Variants in RBFOX3 observed in about 807,000 individuals in gnomAD.
The protein encoded by RBFOX3 is RNA binding protein fox-1 homolog 3.
RBFOX3 carries 17 observed loss-of-function variants against 48.7 expected under a neutral mutation model. The observed-to-expected ratio is 0.35, with a 90% CI of 0.24 to 0.52. The LOEUF is 0.52. Among genes scored for constraint, RBFOX3 ranks in the 20% least tolerant of loss-of-function variants. The probability of loss-of-function intolerance (pLI) is 0.94; values close to 1 mark genes in which losing one functional copy is unlikely to be tolerated. For synonymous variants in RBFOX3, 212 were observed against 209.5 expected, an observed-to-expected ratio of 1.01 and a Z score of -0.10; for missense variants, 382 against 497.5, an observed-to-expected ratio of 0.77 and a Z score of 2.21.
At chr17:79,123,259 A>G (rs905324699) in intron 4 of RBFOX3, among the ~76,000 whole-genome samples, 1 of 152,200 alleles carries the variant, frequency 6.6e-6, no homozygotes, top group African/African-American at 2.4e-5. Flanking sequence ...GGAGGTGGAC[A>G]CCCCATCTTC....
At chr17:79,309,400 C>T (rs1025586448) in intron 2 of RBFOX3, among the ~76,000 whole-genome samples, 1 of 152,004 alleles carries the variant, frequency 6.6e-6, no homozygotes, top group Non-Finnish European at 1.5e-5. Flanking sequence ...ATGTGCCCCG[C>T]CCCCTCCTGC....
chr17:79,378,131 G>A (rs377053817), intron 2 of RBFOX3, among the ~76,000 whole-genome samples: 1 of 152,154 alleles, frequency 6.6e-6, no homozygotes, highest in Non-Finnish European at 1.5e-5. Context: ...CATCTCATAG[G>A]GGGGGCGCAT....
rs774599436 is a variant in RBFOX3 at position 79,467,361 on chromosome 17, C to T, written c.-175+15093G>A. On this transcript the variant is annotated intron_variant, in intron 2 of 14. Transcript: ENST00000693108. ...GAAGTGGGTGGAGATGAGGGCAGAG[C>T]GGGGAGGAGGGAGAGAAGGTGGAAA... Among the ~76,000 whole-genome samples, 470 of 152,222 alleles carry T rather than the reference C, an allele frequency of 3.1e-3. 5 individuals are homozygous for T. Among genetic ancestry groups the T allele is most frequent in the Non-Finnish European group, 1.8e-3 (123 of 67,996 alleles).
chr17:79,491,264 A>C (rs995276481), intron 1 of RBFOX3, among the ~76,000 whole-genome samples: 2 of 150,304 alleles, frequency 1.3e-5, no homozygotes, highest in African/African-American at 2.5e-5. Flanking sequence ...ATAATAGAGG[A>C]AGTTTAGGAC....
intron 3 of RBFOX3, among the ~76,000 whole-genome samples, chr17:79,261,239 C>T (rs2065721615): frequency 6.6e-6 from 1 of 152,206 alleles, no homozygotes; most frequent in African/African-American, 2.4e-5. Context: ...TGCTTTGTCT[C>T]CTGATGTACA....
At chr17:79,200,518 C>T (rs376633514) in intron 4 of RBFOX3, among the ~76,000 whole-genome samples, 61 of 152,312 alleles carry the variant, frequency 4.0e-4, no homozygotes, top group African/African-American at 1.4e-3. Context: ...GAGGTGCCGC[C>T]GGAGGGACAG....
chr17:79,104,216 G>C (rs939195076), intron 6 of RBFOX3, 90 bp from the exon 7 acceptor site: 7 of 1,136,342 alleles, frequency 6.2e-6, no homozygotes, highest in East Asian at 2.6e-5. Flanking sequence ...CTCCTGAGAC[G>C]CTCATGCCTG....
At chr17:79,510,151 CCTG>C (rs1167937827) in intron 1 of RBFOX3, among the ~76,000 whole-genome samples, 4 of 152,164 alleles carry the variant, frequency 2.6e-5, no homozygotes, top group African/African-American at 7.2e-5. Flanking sequence ...AGCCAAGTCT[CCTG>C]CAGTGGACGG....
intron 1 of RBFOX3, among the ~76,000 whole-genome samples, chr17:79,499,329 C>T (rs1006760446): frequency 1.1e-4 from 16 of 151,914 alleles, no homozygotes; most frequent in African/African-American, 2.7e-4. Context: ...CATCCATCCA[C>T]GCATCCAACC....
chr17:79,256,774 C>T (rs764549372), intron 3 of RBFOX3, among the ~76,000 whole-genome samples: 2 of 151,928 alleles, frequency 1.3e-5, no homozygotes, highest in African/African-American at 2.4e-5. Context: ...AAAAATTAGC[C>T]GGGCATGGTG....
intron 2 of RBFOX3, among the ~76,000 whole-genome samples, chr17:79,341,397 T>A (rs2082063050): frequency 6.6e-6 from 1 of 152,236 alleles, no homozygotes; most frequent in Non-Finnish European, 1.5e-5. Context: ...TACAGCTTCA[T>A]ACCTTGTTTA....
chr17:79,420,022 G>T (rs1439977331), intron 2 of RBFOX3, among the ~76,000 whole-genome samples: 1 of 152,096 alleles, frequency 6.6e-6, no homozygotes, highest in Non-Finnish European at 1.5e-5. Context: ...AGCTACTCAG[G>T]AGGCTGAGGC....
At chr17:79,187,980 G>A (rs2703520) in intron 4 of RBFOX3, among the ~76,000 whole-genome samples, 49,238 of 152,112 alleles carry the variant, frequency 0.32, 9,310 homozygotes, top group Admixed American at 0.46. Context: ...CAGAGGAGGC[G>A]GCTTCCTTAT....
chr17:79,499,258 G>A (rs1243185828), intron 1 of RBFOX3, among the ~76,000 whole-genome samples: 1 of 146,890 alleles, frequency 6.8e-6, no homozygotes, highest in Non-Finnish European at 1.5e-5. Flanking sequence ...CCATTCACCT[G>A]CCCATCCAAC....
intron 4 of RBFOX3, among the ~76,000 whole-genome samples, chr17:79,122,584 G>T (rs377181772): frequency 6.6e-6 from 1 of 152,198 alleles, no homozygotes; most frequent in African/African-American, 2.4e-5. Flanking sequence ...TGGAGAAAAG[G>T]GAACCCTCAT....
the RBFOX3 span, among the ~76,000 whole-genome samples, chr17:79,665,086 T>C: frequency 6.6e-6 from 1 of 152,160 alleles, no homozygotes; most frequent in Admixed American, 6.5e-5. Context: ...GATTCAGATA[T>C]TTGAGTCTTC....
chr17:79,157,462 G>C (rs973164200), intron 4 of RBFOX3, among the ~76,000 whole-genome samples: 1 of 152,248 alleles, frequency 6.6e-6, no homozygotes, highest in Admixed American at 6.5e-5. Flanking sequence ...ACAGATGCCT[G>C]GCTTCCCCCT....
chr17:79,473,221 G>A lies in RBFOX3; in HGVS notation c.-175+9233C>T, dbSNP rs1287768086. Among the ~76,000 whole-genome samples, 1 of 152,212 alleles carries A rather than the reference G, an allele frequency of 6.6e-6. No individual in the cohort carries two copies. The highest frequency in any genetic ancestry group is 1.5e-5 in the Non-Finnish European group (1 of 68,036). On this transcript the variant is annotated intron_variant, in intron 2 of 14. Transcript: ENST00000693108. The surrounding 1 kb of genome is among the most constrained non-coding windows in gnomAD (Gnocchi z 4.2). ...GCAGGGATCAGGAGCAGCACCTCACGGGCTGGCACCCATCCACAGACCTCA... is the reference window on the plus strand; with the variant it reads ...GCAGGGATCAGGAGCAGCACCTCACAGGCTGGCACCCATCCACAGACCTCA...
rs71387904 is a variant in RBFOX3 at position 79,216,863 on chromosome 17, C to G, written c.-34+18903G>C. Among the ~76,000 whole-genome samples the G allele has an allele frequency of 1.1e-4, 16 of 152,264 alleles. No homozygotes were observed. The South Asian group carries it at 3.1e-3, about 30-fold the overall frequency. ...GGCAGAGCCAGATCCCAGAGCAGGC[C>G]TGAGGAACACGAGTCCCCTGCCCCT... On this transcript the variant is annotated intron_variant, in intron 4 of 14. Coordinates refer to ENST00000693108, the MANE Select transcript of RBFOX3 (RefSeq NM_001350451.2).
Sources: allele counts gnomAD v4.1 joint callset (sites outside exome capture counted in the v4.1 genomes callset), GRCh38; gene constraint gnomAD v4.1.1; non-coding constraint Gnocchi (gnomAD v3.1); transcripts MANE v1.5; gene names NCBI Gene and HGNC (gene_info 2026-07-23, HGNC 2026-07-21).